The following TPH2 variants were observed in gnomAD, a reference collection of about 807,000 sequenced individuals.
The protein encoded by TPH2 is tryptophan 5-hydroxylase 2.
In TPH2, 27 loss-of-function variants were observed where a neutral mutation model predicts 59.1. That is an observed-to-expected ratio of 0.46 (90% CI 0.34 to 0.63). The LOEUF (loss-of-function observed/expected upper bound fraction) is 0.63. Among genes scored for constraint, TPH2 ranks in the 30% least tolerant of loss-of-function variants. The pLI is 0.01. For synonymous variants in TPH2, 220 were observed against 210.5 expected (o/e 1.05, Z -0.39); for missense variants, 523 against 588.3 (o/e 0.89, Z 1.15).
Position 71,949,653 on chromosome 12 carries a change from ATAGTAAG to A in TPH2, c.608+1_608+7del. ...TTGTGGATGTGGCCATGGGTTATAA[ATAGTAAG>A]TACCTGTATAACTCTTTCTTGTCAC... On this transcript the variant is annotated splice_donor_variant and splice_donor_5th_base_variant and coding_sequence_variant and intron_variant, in exon 5 of 11. Coordinates refer to ENST00000333850, the MANE Select transcript of TPH2 (RefSeq NM_173353.4). LOFTEE classifies it high-confidence loss of function. The A allele has an allele frequency of 6.2e-7, 1 of 1,611,914 alleles. No homozygotes were observed. The highest frequency in any genetic ancestry group is 2.2e-5 in the East Asian group (1 of 44,830).
intron 9 of TPH2, among the ~76,000 whole-genome samples, chr12:72,026,028 A>G (rs910513403): frequency 6.6e-6 from 1 of 152,156 alleles, no homozygotes; most frequent in Non-Finnish European, 1.5e-5. Flanking sequence ...TCTCTTGGAG[A>G]AGTGACAGTA....
intron 5 of TPH2, chr12:71,961,851 G>A: frequency 2.6e-6 from 3 of 1,158,280 alleles, no homozygotes; most frequent in East Asian, 1.2e-4. Flanking sequence ...TCTCCCTGAG[G>A]CTCCTTAGGT....
chr12:71,988,678 C>G lies in TPH2; in HGVS notation c.942-5761C>G, dbSNP rs145368773. On this transcript the variant is annotated intron_variant, in intron 7 of 10. Transcript: ENST00000333850. Reference sequence around the variant, plus strand: ...TTCAACATTGGGGTTTACATTTTAACGTGAGATTTTGGCTGGGTACAAATA... The same window carrying G: ...TTCAACATTGGGGTTTACATTTTAAGGTGAGATTTTGGCTGGGTACAAATA... Among the ~76,000 whole-genome samples the G allele has an allele frequency of 1.9e-3, 296 of 152,252 alleles. 2 individuals carry two copies. The highest frequency in any genetic ancestry group is 6.8e-3 in the African/African-American group (284 of 41,550).
At chr12:72,009,236 G>A (rs990388696) in intron 8 of TPH2, among the ~76,000 whole-genome samples, 3 of 152,028 alleles carry the variant, frequency 2.0e-5, no homozygotes, top group Non-Finnish European at 1.5e-5. Flanking sequence ...ATTGATTAGG[G>A]GAAGGGAAAG....
intron 8 of TPH2, among the ~76,000 whole-genome samples, chr12:72,016,967 G>A (rs1362460924): frequency 6.6e-6 from 1 of 152,120 alleles, no homozygotes; most frequent in African/African-American, 2.4e-5. Context: ...AGGCAAAAGG[G>A]CCCTTCAGTA....
intron 9 of TPH2, among the ~76,000 whole-genome samples, chr12:72,026,231 T>C (rs1430321097): frequency 6.6e-6 from 1 of 151,912 alleles, no homozygotes; most frequent in Non-Finnish European, 1.5e-5. Context: ...ATCCACCCCA[T>C]AGTAGTTGCT....
intron 9 of TPH2, 73 bp downstream of exon 9, chr12:72,022,567 G>T (rs1001869600): frequency 8.6e-7 from 1 of 1,156,758 alleles, no homozygotes. Flanking sequence ...TGATTTGTTT[G>T]TCTGAGCATT....
chr12:72,028,277 C>G (rs1873623135), intron 9 of TPH2, among the ~76,000 whole-genome samples: 1 of 152,132 alleles, frequency 6.6e-6, no homozygotes, highest in Non-Finnish European at 1.5e-5. Context: ...TGCAGAGTTC[C>G]CTGGGGACAT....
At chr12:71,943,205 C>T (rs967531683) in intron 2 of TPH2, among the ~76,000 whole-genome samples, 2 of 152,190 alleles carry the variant, frequency 1.3e-5, no homozygotes, top group Admixed American at 6.5e-5. Flanking sequence ...TTAGTTTCCT[C>T]ATCACAAGAC....
Position 71,975,275 on chromosome 12 carries a change from G to A in TPH2, c.805+2560G>A, listed in dbSNP as rs116008457. 8.9e-3 allele frequency among the ~76,000 whole-genome samples: 1,358 copies of A among 152,214 alleles called. 26 individuals are homozygous for A. Among genetic ancestry groups the A allele is most frequent in the African/African-American group, 0.031 (1,293 of 41,550 alleles). On this transcript the variant is annotated intron_variant, in intron 6 of 10. Coordinates refer to ENST00000333850, the MANE Select transcript of TPH2 (RefSeq NM_173353.4). ...CATGAGAATCACTTGAACTTGGGAGGCAGAAGATGTAGTGAGCTGAGATCA... is the reference window on the plus strand; with the variant it reads ...CATGAGAATCACTTGAACTTGGGAGACAGAAGATGTAGTGAGCTGAGATCA...
chr12:72,002,373 C>G (rs1349297058), intron 8 of TPH2, among the ~76,000 whole-genome samples: 1 of 151,932 alleles, frequency 6.6e-6, no homozygotes, highest in Non-Finnish European at 1.5e-5. Flanking sequence ...GAGAAAGAGA[C>G]AGCAAGAGAC....
intron 7 of TPH2, among the ~76,000 whole-genome samples, chr12:71,983,298 T>G (rs1872336560): frequency 6.6e-6 from 1 of 152,174 alleles, no homozygotes; most frequent in South Asian, 2.1e-4. Context: ...GAATCTGCAT[T>G]TCGGTATTGC....
rs781485533 is a variant in TPH2 at position 71,978,965 on chromosome 12, C to T, written c.819C>T (p.Phe273=). 1 of 1,614,140 alleles carries T rather than the reference C, an allele frequency of 6.2e-7. No homozygotes were observed. The highest frequency in any genetic ancestry group is 8.5e-7 in the Non-Finnish European group (1 of 1,180,008). The change falls in exon 7 of 11, where the codon TTC becomes TTT. Residue 273 remains phenylalanine (F), a synonymous_variant. Transcript: ENST00000333850. Reference sequence around the variant, plus strand: ...TTGCCTTTTTAGAAAGGTCTGGCTTCACGGTGAGGCCGGTGGCTGGATACC... The same window carrying T: ...TTGCCTTTTTAGAAAGGTCTGGCTTTACGGTGAGGCCGGTGGCTGGATACC... The part of the protein sequence containing the change: ...VSMFLKERSG[F]TVRPVAGYLS...
intron 8 of TPH2, among the ~76,000 whole-genome samples, chr12:72,000,050 C>A (rs1872783439): frequency 6.6e-6 from 1 of 152,188 alleles, no homozygotes; most frequent in African/African-American, 2.4e-5. Flanking sequence ...ACAAACACGA[C>A]TCTCATACAT....
intron 5 of TPH2, among the ~76,000 whole-genome samples, chr12:71,969,022 G>A (rs564771601): frequency 3.7e-4 from 56 of 152,334 alleles, no homozygotes; most frequent in Admixed American, 5.9e-4. Context: ...GCTGGCTCAC[G>A]CCTGTAATCC....
chr12:72,023,033 T>C (rs1485354089), intron 9 of TPH2, among the ~76,000 whole-genome samples: 2 of 152,256 alleles, frequency 1.3e-5, no homozygotes, highest in African/African-American at 4.8e-5. Flanking sequence ...GTATCTATTA[T>C]GTGTAATGGT....
At chr12:71,990,308 A>C (rs534583325) in intron 7 of TPH2, among the ~76,000 whole-genome samples, 3 of 152,356 alleles carry the variant, frequency 2.0e-5, no homozygotes, top group Admixed American at 2.0e-4. Context: ...ACTACTTTAC[A>C]TGCAGGACAC....
intron 9 of TPH2, among the ~76,000 whole-genome samples, chr12:72,025,310 G>A (rs771119037): frequency 5.9e-5 from 9 of 152,088 alleles, no homozygotes; most frequent in Non-Finnish European, 1.2e-4. Context: ...TTTAGATTGG[G>A]TTGCTGGAGG....
At chr12:72,000,084 T>C (rs1872784324) in intron 8 of TPH2, among the ~76,000 whole-genome samples, 1 of 152,186 alleles carries the variant, frequency 6.6e-6, no homozygotes, top group African/African-American at 2.4e-5. Context: ...GTGTCAAAGA[T>C]TTATTTAAAA....
Sources: gnomAD v4.1 joint callset for allele counts (sites outside exome capture counted in the v4.1 genomes callset) on GRCh38, gnomAD v4.1.1 for gene constraint, MANE v1.5 for transcripts, NCBI Gene and HGNC (gene_info 2026-07-23, HGNC 2026-07-21) for gene names.